The following FOXP1 variants were observed in gnomAD, a reference collection of about 807,000 sequenced individuals.
FOXP1 encodes forkhead box protein P1.
FOXP1 carries 15 observed loss-of-function variants against 98.2 expected under a neutral mutation model. The observed-to-expected ratio is 0.15, with a 90% CI of 0.10 to 0.24. The LOEUF is 0.24. Among genes scored for constraint, FOXP1 ranks in the 10% least tolerant of loss-of-function variants. FOXP1 has a pLI of 1.00. For synonymous variants in FOXP1, 371 were observed against 314.5 expected (o/e 1.18, Z -1.90); for missense variants, 633 against 848.5 (o/e 0.75, Z 3.15).
rs997259636 is a variant in FOXP1, at chr3:70,957,978, C to T, written c.*1269G>A. On this transcript the variant is annotated 3_prime_UTR_variant, in exon 21 of 21. Coordinates refer to ENST00000649528, the MANE Select transcript of FOXP1 (RefSeq NM_001349338.3). ...CACCCCTACTTTCAGGGCAGCTGCT[C>T]GGGGAAGCCGGTTTTTTTTTTTGGC... The T allele has an allele frequency of 7.3e-5, 18 of 247,042 alleles. No individual in the cohort carries two copies. The highest frequency in any genetic ancestry group is 3.1e-4 in the African/African-American group (14 of 45,248). 15.3% of individuals were successfully genotyped at this position (247,042 alleles called of 1,614,324 possible).
At chr3:71,486,264 A>G (rs1351647841) in intron 3 of FOXP1, among the ~76,000 whole-genome samples, 4 of 152,226 alleles carry the variant, frequency 2.6e-5, no homozygotes, top group Non-Finnish European at 5.9e-5. Context: ...GCAAGGTGAT[A>G]CTTGAACCAA....
At chr3:71,445,343 T>C (rs971001151) in intron 3 of FOXP1, among the ~76,000 whole-genome samples, 1 of 152,186 alleles carries the variant, frequency 6.6e-6, no homozygotes, top group African/African-American at 2.4e-5. Context: ...GCAATGTAAA[T>C]GGCAGCTCAG....
chr3:71,228,301 A>G lies in FOXP1; in HGVS notation c.-11-29909T>C, dbSNP rs561090748. On this transcript the variant is annotated intron_variant, in intron 5 of 20. Transcript: ENST00000649528. ...ACGCACCGAAATTATTGGGTTAAATAAAGACATGACAAGCCATAAATCAAC... is the reference window on the plus strand; with the variant it reads ...ACGCACCGAAATTATTGGGTTAAATGAAGACATGACAAGCCATAAATCAAC... Among the ~76,000 whole-genome samples, 3 of 152,280 alleles carry G rather than the reference A, an allele frequency of 2.0e-5. No homozygotes were observed. In the South Asian group the frequency reaches 6.2e-4, roughly 32 times the overall value.
At chr3:70,979,439 A>ATTATT (rs2038395102) in intron 14 of FOXP1, among the ~76,000 whole-genome samples, 1 of 152,094 alleles carries the variant, frequency 6.6e-6, no homozygotes, top group Non-Finnish European at 1.5e-5. Flanking sequence ...CAACAGAAAT[A>ATTATT]TTATTTTACG....
chr3:71,352,991 G>C (rs2077899661), intron 4 of FOXP1, among the ~76,000 whole-genome samples: 1 of 152,172 alleles, frequency 6.6e-6, no homozygotes, highest in Non-Finnish European at 1.5e-5. Context: ...AGACTATTTT[G>C]TGTCACCATT....
intron 2 of FOXP1, among the ~76,000 whole-genome samples, chr3:71,544,178 G>A (rs577262477): frequency 2.0e-5 from 3 of 151,602 alleles, no homozygotes; most frequent in Non-Finnish European, 4.4e-5. Context: ...AAAGATATAA[G>A]TACTTAAAAG....
chr3:71,228,497 T>A (rs1422334847), intron 5 of FOXP1, among the ~76,000 whole-genome samples: 1 of 152,190 alleles, frequency 6.6e-6, no homozygotes, highest in Non-Finnish European at 1.5e-5. Flanking sequence ...ACAACTCTTT[T>A]TTCGTTAAAT....
chr3:70,993,167 T>C (rs777892132), intron 13 of FOXP1, among the ~76,000 whole-genome samples: 7 of 152,262 alleles, frequency 4.6e-5, no homozygotes, highest in East Asian at 1.9e-4. Flanking sequence ...CTCCCTCTGC[T>C]ACTGAAACTT....
At chr3:71,373,936 T>A (rs1473940431) in intron 3 of FOXP1, among the ~76,000 whole-genome samples, 1 of 152,218 alleles carries the variant, frequency 6.6e-6, no homozygotes, top group Non-Finnish European at 1.5e-5. Flanking sequence ...TCTGTTTCTA[T>A]ATACTGCAGG....
intron 3 of FOXP1, among the ~76,000 whole-genome samples, chr3:71,417,322 G>A (rs2083293042): frequency 6.6e-6 from 1 of 152,148 alleles, no homozygotes; most frequent in African/African-American, 2.4e-5. Context: ...TATATTCCAT[G>A]GTTATTGATT....
At chr3:71,123,025 G>T (rs1279757892) in intron 6 of FOXP1, among the ~76,000 whole-genome samples, 1 of 152,022 alleles carries the variant, frequency 6.6e-6, no homozygotes, top group African/African-American at 2.4e-5. Flanking sequence ...CCACACAAAA[G>T]ACTTGCTTTT....
intron 5 of FOXP1, among the ~76,000 whole-genome samples, chr3:71,277,850 C>T (rs1008099224): frequency 2.6e-5 from 4 of 151,878 alleles, no homozygotes; most frequent in Admixed American, 1.3e-4. Context: ...GTTGAGGTCT[C>T]ACTCTGTTGC....
At chr3:71,526,137 TAAAC>T (rs766836663) in intron 2 of FOXP1, among the ~76,000 whole-genome samples, 5,422 of 44,082 alleles carry the variant, frequency 0.12, 130 homozygotes, top group Non-Finnish European at 0.15. Context: ...TATAAATAAA[TAAAC>T]AAACAAACAA....
chr3:71,560,210 G>GC (rs2046432497), intron 2 of FOXP1, among the ~76,000 whole-genome samples: 1 of 152,050 alleles, frequency 6.6e-6, no homozygotes, highest in Non-Finnish European at 1.5e-5. Flanking sequence ...TAATGTTTTC[G>GC]CATCATTATT....
At chr3:71,366,142 T>C (rs112156922) in intron 3 of FOXP1, among the ~76,000 whole-genome samples, 64 of 152,328 alleles carry the variant, frequency 4.2e-4, no homozygotes, top group African/African-American at 1.5e-3. Context: ...TGGTCCACTT[T>C]TTTTTTCGTT....
rs544126326 is a variant in FOXP1, at chr3:71,530,093, C to G, written c.-297-36538G>C. On this transcript the variant is annotated intron_variant, in intron 2 of 20. Coordinates refer to ENST00000649528, the MANE Select transcript of FOXP1 (RefSeq NM_001349338.3). ...CAGAACTGAATTGAATGACAGGACA[C>G]CCAGCTGGTGTTGGAGAACTGGTTA... Among the ~76,000 whole-genome samples the G allele has an allele frequency of 7.2e-5, 11 of 152,224 alleles. No homozygotes were observed. The South Asian group carries it at 2.1e-3, about 29-fold the overall frequency.
At chr3:71,398,117 C>T (rs1048111931) in intron 3 of FOXP1, among the ~76,000 whole-genome samples, 1 of 152,228 alleles carries the variant, frequency 6.6e-6, no homozygotes, top group African/African-American at 2.4e-5. Flanking sequence ...TCTAACACTC[C>T]AATGTCTTAA....
chr3:71,113,330 T>C (rs1473210925), intron 6 of FOXP1, among the ~76,000 whole-genome samples: 1 of 152,170 alleles, frequency 6.6e-6, no homozygotes, highest in Non-Finnish European at 1.5e-5. Context: ...TGGGATGGTT[T>C]CTCCTTAAAG....
At chr3:71,197,597 T>C (rs2063371195) in intron 6 of FOXP1, among the ~76,000 whole-genome samples, 1 of 152,170 alleles carries the variant, frequency 6.6e-6, no homozygotes, top group Admixed American at 6.5e-5. Flanking sequence ...CAGTAAGACT[T>C]AGCCACAAAC....
Sources: allele counts gnomAD v4.1 joint callset (sites outside exome capture counted in the v4.1 genomes callset), GRCh38; gene constraint gnomAD v4.1.1; transcripts MANE v1.5; gene names NCBI Gene and HGNC (gene_info 2026-07-23, HGNC 2026-07-21).